CTNNA3: variants seen among roughly 807,000 people sequenced by gnomAD.
CTNNA3 encodes catenin alpha-3.
A neutral mutation model predicts 95.7 loss-of-function variants in CTNNA3; 76 were observed. The observed-to-expected ratio is 0.79, with a 90% CI of 0.66 to 0.96. CTNNA3 has a LOEUF of 0.96. Ranked by LOEUF, CTNNA3 falls within the 40% of genes least tolerant of loss-of-function variation. CTNNA3 has a pLI of 0.00. For missense variants in CTNNA3, 1,191 were observed against 1,089.8 expected, an observed-to-expected ratio of 1.09 and a Z score of -1.31; for synonymous variants, 431 against 374.4, an observed-to-expected ratio of 1.15 and a Z score of -1.74.
At chr10:67,740,634 G>T (rs1241373444) in intron 1 of CTNNA3, among the ~76,000 whole-genome samples, 1 of 151,358 alleles carries the variant, frequency 6.6e-6, no homozygotes, top group Non-Finnish European at 1.5e-5. Flanking sequence ...AGTTAGAATG[G>T]CAGTCATTAA....
At chr10:65,970,317 C>G (rs975499975) in intron 16 of CTNNA3, among the ~76,000 whole-genome samples, 2 of 152,116 alleles carry the variant, frequency 1.3e-5, no homozygotes, top group South Asian at 2.1e-4. Context: ...TACCTGCTAC[C>G]ACAAAAACAC....
At chr10:66,493,432 A>G (rs1200459530) in intron 11 of CTNNA3, among the ~76,000 whole-genome samples, 1 of 152,058 alleles carries the variant, frequency 6.6e-6, no homozygotes, top group Non-Finnish European at 1.5e-5. Flanking sequence ...ACCTACATCC[A>G]TCTACTCTCC....
In CTNNA3 at chr10:67,144,187, G is replaced by A. The variant is rs1030476913; in HGVS notation, c.1047+36130C>T. ...TCTTTTGTTCTGAGCAGGTTTCAAC[G>A]TTGGGTTTAAAATATTTAGTACAAC... On this transcript the variant is annotated intron_variant, in intron 7 of 17. Coordinates refer to ENST00000433211, the MANE Select transcript of CTNNA3 (RefSeq NM_013266.4). 2.6e-5 allele frequency among the ~76,000 whole-genome samples: 4 copies of A among 152,278 alleles called. No individual in the cohort carries two copies. In the East Asian group the frequency reaches 5.8e-4, roughly 22 times the overall value.
chr10:66,688,456 C>A lies in CTNNA3; in HGVS notation c.1282-66672G>T, dbSNP rs901050180. On this transcript the variant is annotated intron_variant, in intron 9 of 17. Coordinates refer to ENST00000433211, the MANE Select transcript of CTNNA3 (RefSeq NM_013266.4). ...TCCTGGAATGTTCTGCCACCCTCAG[C>A]CCCCAACATTCCCGTAACTAGTCCT... Among the ~76,000 whole-genome samples the A allele has an allele frequency of 3.3e-5, 5 of 152,086 alleles. 1 individual carries two copies. The highest frequency in any genetic ancestry group is 2.6e-4 in the Admixed American group (4 of 15,268).
chr10:67,673,283 A>T (rs1181851581), intron 1 of CTNNA3, among the ~76,000 whole-genome samples: 1 of 148,202 alleles, frequency 6.7e-6, no homozygotes, highest in Admixed American at 6.7e-5. Flanking sequence ...GGTTTTCTAG[A>T]TATACAATCA....
chr10:66,664,611 C>T (rs1846377022), intron 9 of CTNNA3, among the ~76,000 whole-genome samples: 1 of 151,884 alleles, frequency 6.6e-6, no homozygotes, highest in South Asian at 2.1e-4. Context: ...AATCTAGAAA[C>T]ATGACTATTA....
chr10:65,994,684 G>T (rs2078615494), intron 15 of CTNNA3, among the ~76,000 whole-genome samples: 2 of 151,976 alleles, frequency 1.3e-5, no homozygotes, highest in Admixed American at 6.5e-5. Context: ...TCTGAATCTG[G>T]ATGTTCATAT....
chr10:65,987,599 T>C (rs1042235167), intron 16 of CTNNA3, among the ~76,000 whole-genome samples: 2 of 152,088 alleles, frequency 1.3e-5, no homozygotes, highest in Non-Finnish European at 2.9e-5. Context: ...ACAGCCATTA[T>C]GGAAAATAGG....
intron 12 of CTNNA3, among the ~76,000 whole-genome samples, chr10:66,348,757 A>G (rs2092544516): frequency 6.6e-6 from 1 of 152,086 alleles, no homozygotes; most frequent in Admixed American, 6.5e-5. Context: ...TGATGATGTG[A>G]TGTAATCTAC....
Position 67,201,640 on chromosome 10 carries a change from A to C in CTNNA3, c.843+17967T>G, listed in dbSNP as rs574009304. On this transcript the variant is annotated intron_variant, in intron 6 of 17. Coordinates refer to ENST00000433211, the MANE Select transcript of CTNNA3 (RefSeq NM_013266.4). ...AGATTTTTGTTAACATATAACTTGC[A>C]TTTAGTCCAAACTGATTAGATGTCA... is the stretch of plus-strand genomic sequence containing the variant. 2.6e-4 allele frequency among the ~76,000 whole-genome samples: 40 copies of C among 152,278 alleles called. 1 individual carries two copies. In the South Asian group the frequency reaches 3.9e-3, roughly 15 times the overall value.
In CTNNA3 at chr10:67,438,931, C is replaced by T. The variant is rs74875088; in HGVS notation, c.579+82911G>A. 7.4e-4 allele frequency among the ~76,000 whole-genome samples: 113 copies of T among 152,312 alleles called. 2 individuals are homozygous for T. In the East Asian group the frequency reaches 0.02, roughly 27 times the overall value. On this transcript the variant is annotated intron_variant, in intron 5 of 17. Coordinates refer to ENST00000433211, the MANE Select transcript of CTNNA3 (RefSeq NM_013266.4). ...AACTTGAGTTTCTTGACAAACATCA[C>T]CACTGCGGGCCAGAGAGCTCTGGGG...
intron 15 of CTNNA3, among the ~76,000 whole-genome samples, chr10:66,065,711 T>C (rs1201370610): frequency 6.6e-6 from 1 of 152,152 alleles, no homozygotes; most frequent in East Asian, 1.9e-4. Flanking sequence ...TCAAAGCTTC[T>C]GTTCCTCATG....
At chr10:67,675,503 G>A (rs1351611901) in intron 1 of CTNNA3, among the ~76,000 whole-genome samples, 3 of 152,080 alleles carry the variant, frequency 2.0e-5, no homozygotes, top group Non-Finnish European at 4.4e-5. Flanking sequence ...AACACAAGAT[G>A]GGCAAATGGA....
chr10:67,215,697 T>A (rs1437851514), intron 6 of CTNNA3, among the ~76,000 whole-genome samples: 1 of 152,150 alleles, frequency 6.6e-6, no homozygotes, highest in Non-Finnish European at 1.5e-5. Flanking sequence ...TCTCCCAACA[T>A]CTCCTGCTAT....
At chr10:66,686,189 C>G (rs529852005) in intron 9 of CTNNA3, among the ~76,000 whole-genome samples, 4 of 152,296 alleles carry the variant, frequency 2.6e-5, no homozygotes, top group African/African-American at 9.6e-5. Context: ...CTATATATCT[C>G]AGCTCTGCCT....
At chr10:66,967,619 A>G (rs1255696940) in intron 7 of CTNNA3, among the ~76,000 whole-genome samples, 2 of 152,034 alleles carry the variant, frequency 1.3e-5, no homozygotes, top group Non-Finnish European at 2.9e-5. Flanking sequence ...CAGTCCATTA[A>G]AATAATTTTC....
Position 66,333,167 on chromosome 10 carries a change from T to TA in CTNNA3, c.1732+45984dup, listed in dbSNP as rs903691161. Among the ~76,000 whole-genome samples the TA allele has an allele frequency of 1.6e-4, 24 of 151,928 alleles. 1 individual carries two copies. Among genetic ancestry groups the TA allele is most frequent in the African/African-American group, 4.1e-4 (17 of 41,478 alleles). ...CGGCCTATCAATTTTGTTGATCTTT[T>TA]AAAAAAAACCAGCTCCTGGATTCAT... On this transcript the variant is annotated intron_variant, in intron 12 of 17. Coordinates refer to ENST00000433211, the MANE Select transcript of CTNNA3 (RefSeq NM_013266.4).
chr10:66,674,736 C>A (rs1224953341), intron 9 of CTNNA3, among the ~76,000 whole-genome samples: 3 of 151,956 alleles, frequency 2.0e-5, no homozygotes, highest in Admixed American at 2.0e-4. Context: ...CATATGTATG[C>A]GTTCAGCGTT....
At chr10:66,266,759 G>A (rs1279372353) in intron 13 of CTNNA3, among the ~76,000 whole-genome samples, 1 of 151,860 alleles carries the variant, frequency 6.6e-6, no homozygotes, top group Non-Finnish European at 1.5e-5. Flanking sequence ...ATACAAAAAC[G>A]CTTGTTCCAA....
Sources: gnomAD v4.1 joint callset for allele counts (sites outside exome capture counted in the v4.1 genomes callset) on GRCh38, gnomAD v4.1.1 for gene constraint, MANE v1.5 for transcripts, NCBI Gene and HGNC (gene_info 2026-07-23, HGNC 2026-07-21) for gene names.